LSAMP: variants seen among roughly 807,000 people sequenced by gnomAD.
LSAMP encodes the protein limbic system associated membrane protein.
In LSAMP, 7 loss-of-function variants were observed where a neutral mutation model predicts 38.6. The observed-to-expected ratio is 0.18, with a 90% CI of 0.10 to 0.34. The LOEUF is 0.34. Among genes scored for constraint, LSAMP ranks in the 10% least tolerant of loss-of-function variants. LSAMP has a pLI of 1.00. For synonymous variants in LSAMP, 154 were observed against 166.8 expected, an observed-to-expected ratio of 0.92 and a Z score of 0.59; for missense variants, 313 against 420.0, an observed-to-expected ratio of 0.75 and a Z score of 2.23.
At chr3:116,382,354 A>G (rs963873573) in intron 1 of LSAMP, among the ~76,000 whole-genome samples, 4 of 151,914 alleles carry the variant, frequency 2.6e-5, no homozygotes, top group Non-Finnish European at 4.4e-5. Flanking sequence ...GTCCTTTGTA[A>G]GGACATGGAT....
intron 1 of LSAMP, among the ~76,000 whole-genome samples, chr3:116,379,809 G>C (rs776333024): frequency 1.3e-5 from 2 of 152,022 alleles, no homozygotes; most frequent in Non-Finnish European, 2.9e-5. Flanking sequence ...GAAATAGTCA[G>C]ACATGGATGA....
intron 1 of LSAMP, among the ~76,000 whole-genome samples, chr3:116,346,722 C>G (rs1005270947): frequency 2.6e-5 from 4 of 152,104 alleles, no homozygotes; most frequent in African/African-American, 4.8e-5. Flanking sequence ...CTGTATGTGT[C>G]GACACATGTC....
At position 116,290,771 on chromosome 3, in the gene LSAMP, AAT is replaced by A. The variant is rs1175495203; in HGVS notation, c.155+154104_155+154105del. Among the ~76,000 whole-genome samples, 57 of 142,792 alleles carry A rather than the reference AAT, an allele frequency of 4.0e-4. 1 individual carries two copies. Among genetic ancestry groups the A allele is most frequent in the East Asian group, 3.7e-3 (19 of 5,070 alleles). The allele number at this position is 142,792 out of a possible 152,430, so 93.7% of individuals were successfully genotyped here. ...TAATAATAATAATAATAATAATAAT[AAT>A]AAAATAAACTTTCCTAGTTGATCTT... On this transcript the variant is annotated intron_variant, in intron 1 of 6. Coordinates refer to ENST00000490035, the MANE Select transcript of LSAMP (RefSeq NM_002338.5).
chr3:116,016,592 C>T (rs1451702058), intron 3 of LSAMP, among the ~76,000 whole-genome samples: 1 of 152,254 alleles, frequency 6.6e-6, no homozygotes, highest in East Asian at 1.9e-4. Context: ...ATAAACTTCC[C>T]TGTAAAGGGC....
At chr3:116,241,233 G>A (rs1393686190) in intron 1 of LSAMP, among the ~76,000 whole-genome samples, 1 of 144,274 alleles carries the variant, frequency 6.9e-6, no homozygotes, top group Non-Finnish European at 1.5e-5. Context: ...TTTGCTTCCT[G>A]TCCAAGGTTT....
At chr3:116,135,657 C>T (rs1435668650) in intron 1 of LSAMP, among the ~76,000 whole-genome samples, 3 of 152,178 alleles carry the variant, frequency 2.0e-5, no homozygotes, top group Non-Finnish European at 4.4e-5. Flanking sequence ...CCAGAAATCA[C>T]TGCTGGCTGA....
At chr3:115,872,961 G>GATAC (rs1194890609) in intron 3 of LSAMP, among the ~76,000 whole-genome samples, 1 of 152,106 alleles carries the variant, frequency 6.6e-6, no homozygotes, top group Non-Finnish European at 1.5e-5. Context: ...AAACATATAT[G>GATAC]ATACATACAT....
At chr3:116,090,722 G>A (rs1708103521) in intron 1 of LSAMP, among the ~76,000 whole-genome samples, 2 of 152,204 alleles carry the variant, frequency 1.3e-5, no homozygotes, top group Non-Finnish European at 2.9e-5. Context: ...ACGTTGGTAG[G>A]ATCCGTGATG....
At chr3:116,343,909 T>A (rs1247018131) in intron 1 of LSAMP, among the ~76,000 whole-genome samples, 1 of 152,042 alleles carries the variant, frequency 6.6e-6, no homozygotes, top group Non-Finnish European at 1.5e-5. Flanking sequence ...ACAGAATCAC[T>A]CTACAAACAC....
At chr3:116,242,620 T>C (rs1290315436) in intron 1 of LSAMP, among the ~76,000 whole-genome samples, 1 of 152,228 alleles carries the variant, frequency 6.6e-6, no homozygotes, top group East Asian at 1.9e-4. Flanking sequence ...ATTTCTAACA[T>C]GTTTTTCCAA....
intron 1 of LSAMP, among the ~76,000 whole-genome samples, chr3:116,196,830 C>T (rs535652925): frequency 9.9e-5 from 15 of 152,282 alleles, no homozygotes; most frequent in Admixed American, 5.2e-4. Flanking sequence ...TACCCTCCCA[C>T]CAGGCACTCC....
chr3:116,339,881 C>G (rs928092426), intron 1 of LSAMP, among the ~76,000 whole-genome samples: 1 of 152,066 alleles, frequency 6.6e-6, no homozygotes, highest in Non-Finnish European at 1.5e-5. Context: ...CCATTCAAAG[C>G]CACAGAGTAA....
intron 1 of LSAMP, among the ~76,000 whole-genome samples, chr3:116,166,012 T>G (rs1386473197): frequency 6.6e-6 from 1 of 152,226 alleles, no homozygotes; most frequent in Non-Finnish European, 1.5e-5. Context: ...TATGTTCATA[T>G]GTTTGTTGCA....
chr3:115,913,112 G>A (rs1937169610), intron 3 of LSAMP, among the ~76,000 whole-genome samples: 1 of 152,164 alleles, frequency 6.6e-6, no homozygotes, highest in Non-Finnish European at 1.5e-5. Context: ...TATTCTGGCA[G>A]GCAATTATTA....
At chr3:115,992,398 C>G (rs988556331) in intron 3 of LSAMP, among the ~76,000 whole-genome samples, 3 of 152,010 alleles carry the variant, frequency 2.0e-5, no homozygotes, top group Admixed American at 2.0e-4. Flanking sequence ...TTTCCTGTGG[C>G]TGCTGGTCTT....
intron 2 of LSAMP, among the ~76,000 whole-genome samples, chr3:116,049,541 G>A (rs1224400207): frequency 1.3e-5 from 2 of 152,102 alleles, no homozygotes; most frequent in Admixed American, 1.3e-4. Flanking sequence ...ACAATAGGGT[G>A]GTTACTTACA....
intron 1 of LSAMP, among the ~76,000 whole-genome samples, chr3:116,256,304 C>A (rs924271767): frequency 1.3e-5 from 2 of 152,146 alleles, no homozygotes; most frequent in African/African-American, 4.8e-5. Flanking sequence ...AACCAACCAG[C>A]AAAGCAAGAG....
chr3:116,411,700 A>G (rs1394612718), intron 1 of LSAMP, among the ~76,000 whole-genome samples: 7 of 150,818 alleles, frequency 4.6e-5, no homozygotes, highest in Non-Finnish European at 1.0e-4. Context: ...TGGGTGCAGC[A>G]CACCAGCATG....
At chr3:116,211,301 G>A (rs1444521403) in intron 1 of LSAMP, among the ~76,000 whole-genome samples, 1 of 152,142 alleles carries the variant, frequency 6.6e-6, no homozygotes, top group African/African-American at 2.4e-5. Flanking sequence ...TCATAACAAT[G>A]TATTGTATAC....
Sources: gnomAD v4.1 joint callset for allele counts (sites outside exome capture counted in the v4.1 genomes callset) on GRCh38, gnomAD v4.1.1 for gene constraint, MANE v1.5 for transcripts, NCBI Gene and HGNC (gene_info 2026-07-23, HGNC 2026-07-21) for gene names.